NOL4L: variants seen among roughly 807,000 people sequenced by gnomAD.
The protein encoded by NOL4L is nucleolar protein 4 like, also known as nucleolar protein 4-like.
NOL4L carries 7 observed loss-of-function variants against 64.5 expected under a neutral mutation model. The observed-to-expected ratio is 0.11, with a 90% confidence interval of 0.06 to 0.20. The LOEUF (loss-of-function observed/expected upper bound fraction) is 0.20. Among genes scored for constraint, NOL4L ranks in the 10% least tolerant of loss-of-function variants. NOL4L has a pLI of 1.00. For synonymous variants in NOL4L, 413 were observed against 401.0 expected (o/e 1.03, Z -0.36); for missense variants, 680 against 967.1 (o/e 0.70, Z 3.94).
At chr20:32,477,637 G>C (rs2145488290) in intron 4 of NOL4L, among the ~76,000 whole-genome samples, 1 of 152,360 alleles carries the variant, frequency 6.6e-6, no homozygotes, top group Admixed American at 6.5e-5. Flanking sequence ...GACAATTAAG[G>C]ACTCTGGTCC....
At position 32,446,145 on chromosome 20, in the gene NOL4L, AG is replaced by A. The variant is rs1047598611; in HGVS notation, c.*1450del. ...CATGGCTACGGAGTGTTGCACGGAGAGGCCCTGGGGGCCTGCTGAGGTCTGG... is the reference window on the plus strand; with the variant it reads ...CATGGCTACGGAGTGTTGCACGGAGAGCCCTGGGGGCCTGCTGAGGTCTGG... On this transcript the variant is annotated 3_prime_UTR_variant, in exon 11 of 11. Transcript: ENST00000621426. The A allele has an allele frequency of 6.6e-6, 1 of 152,390 alleles. No homozygotes were observed. The highest frequency in any genetic ancestry group is 2.4e-5 in the African/African-American group (1 of 41,438). 9.4% of individuals were successfully genotyped at this position (152,390 alleles called of 1,614,324 possible).
intron 3 of NOL4L, among the ~76,000 whole-genome samples, chr20:32,518,420 C>A (rs549912618): frequency 2.6e-5 from 4 of 152,362 alleles, no homozygotes; most frequent in South Asian, 4.1e-4. Context: ...CTGTGCTCCG[C>A]GTTGCCCTCC....
Position 32,480,666 on chromosome 20 carries a change from C to G in NOL4L, c.700-5924G>C, listed in dbSNP as rs183170545. ...GCCTTCTGAGCATGCCAAGAAGGTA[C>G]TGAACCGCATGTGACCCCAACTTAA... On this transcript the variant is annotated intron_variant, in intron 4 of 10. Coordinates refer to ENST00000621426, the MANE Select transcript of NOL4L (RefSeq NM_001256798.2). 3.3e-5 allele frequency among the ~76,000 whole-genome samples: 5 copies of G among 152,308 alleles called. 1 individual carries two copies. The highest frequency in any genetic ancestry group is 3.3e-4 in the Admixed American group (5 of 15,300).
In NOL4L at chr20:32,578,870, T is replaced by G. The variant is rs1980295213; in HGVS notation, c.321+5700A>C. 5.9e-5 allele frequency among the ~76,000 whole-genome samples: 9 copies of G among 152,332 alleles called. No homozygotes were observed. In the South Asian group the frequency reaches 1.9e-3, roughly 32 times the overall value. Reference sequence around the variant, plus strand: ...CTCCCAGGACCTTCCCGCCCCATGCTTGGCTTTGGGCTTTGTTATAGGACC... The same window carrying G: ...CTCCCAGGACCTTCCCGCCCCATGCGTGGCTTTGGGCTTTGTTATAGGACC... On this transcript the variant is annotated intron_variant, in intron 1 of 10. Coordinates refer to ENST00000621426, the MANE Select transcript of NOL4L (RefSeq NM_001256798.2).
rs558500655 is a variant in NOL4L at position 32,514,070 on chromosome 20, G to T, written c.590-2614C>A. On this transcript the variant is annotated intron_variant, in intron 3 of 10. Coordinates refer to ENST00000621426, the MANE Select transcript of NOL4L (RefSeq NM_001256798.2). ...GGATGGGGGTCCTCTTTGACGCTGT[G>T]TACTTCTGGTGACTTTATAGATCAA... 2.6e-5 allele frequency among the ~76,000 whole-genome samples: 4 copies of T among 152,322 alleles called. No homozygotes were observed. In the South Asian group the frequency reaches 8.3e-4, roughly 32 times the overall value.
intron 2 of NOL4L, among the ~76,000 whole-genome samples, chr20:32,524,408 T>C (rs1195492719): frequency 1.3e-5 from 2 of 152,214 alleles, no homozygotes; most frequent in Non-Finnish European, 2.9e-5. Flanking sequence ...GCCTGCCCTA[T>C]CTGATCCACG....
chr20:32,465,548 G>T lies in NOL4L; in HGVS notation c.841+9053C>A, dbSNP rs537374350. On this transcript the variant is annotated intron_variant, in intron 5 of 10. Transcript: ENST00000621426. The stretch of plus-strand genomic sequence containing the variant: ...TCCCTGGCCCCGTCCTCCAGGCCAA[G>T]CACAGGCGGTGAGAAATAAACACTA... Among the ~76,000 whole-genome samples, 25 of 152,348 alleles carry T rather than the reference G, an allele frequency of 1.6e-4. No homozygotes were observed. In the South Asian group the frequency reaches 5.0e-3, roughly 30 times the overall value.
chr20:32,541,185 T>C (rs2018649555), intron 1 of NOL4L, among the ~76,000 whole-genome samples: 2 of 152,096 alleles, frequency 1.3e-5, no homozygotes, highest in African/African-American at 4.8e-5. Flanking sequence ...GCACTGGACT[T>C]TAAGGGCCAA....
chr20:32,478,586 T>C (rs1184885955), intron 4 of NOL4L, among the ~76,000 whole-genome samples: 2 of 152,214 alleles, frequency 1.3e-5, no homozygotes, highest in Non-Finnish European at 2.9e-5. Context: ...AAAGTGGTTC[T>C]AAGATTCTGA....
chr20:32,451,953 G>A (rs1222282711), intron 10 of NOL4L, among the ~76,000 whole-genome samples: 1 of 152,238 alleles, frequency 6.6e-6, no homozygotes, highest in Non-Finnish European at 1.5e-5. Context: ...GGCGCCGGTA[G>A]TGAAGGTGGG....
chr20:32,571,525 G>A (rs916404523), intron 1 of NOL4L, among the ~76,000 whole-genome samples: 4 of 152,160 alleles, frequency 2.6e-5, no homozygotes, highest in Non-Finnish European at 5.9e-5. Flanking sequence ...GTTTTGGTTT[G>A]GGTTTTAAAT....
chr20:32,488,784 TTCCTTCC>T lies in NOL4L; in HGVS notation c.700-14049_700-14043del, dbSNP rs2016239536. ...CTTCCTTCCTTCCTTCCTTCCTTCC[TTCCTTCC>T]TTTCTTTCTTTCTTTTTCTTTCTTT... On this transcript the variant is annotated intron_variant, in intron 4 of 10. Transcript: ENST00000621426. Among the ~76,000 whole-genome samples the T allele has an allele frequency of 1.7e-4, 8 of 45,862 alleles. No homozygotes were observed. In the South Asian group the frequency reaches 5.3e-3, roughly 30 times the overall value. The allele number at this position is 45,862 out of a possible 152,430, so 30.1% of individuals were successfully genotyped here.
At chr20:32,466,407 T>C (rs2014554101) in intron 5 of NOL4L, among the ~76,000 whole-genome samples, 1 of 152,080 alleles carries the variant, frequency 6.6e-6, no homozygotes, top group Non-Finnish European at 1.5e-5. Flanking sequence ...TCTCCCAGCG[T>C]CTCTCACCCC....
chr20:32,537,189 A>G, intron 1 of NOL4L: 4 of 866,438 alleles, frequency 4.6e-6, no homozygotes, highest in Non-Finnish European at 5.5e-6. Context: ...TAGTCCTCAC[A>G]GACCCTCCGC....
intron 1 of NOL4L, among the ~76,000 whole-genome samples, chr20:32,578,298 C>A (rs975611392): frequency 6.6e-6 from 1 of 152,166 alleles, no homozygotes; most frequent in African/African-American, 2.4e-5. Flanking sequence ...CTCAAGAGTT[C>A]TTGTTCTAAT....
intron 5 of NOL4L, among the ~76,000 whole-genome samples, chr20:32,459,249 T>A (rs2013828314): frequency 7.9e-6 from 1 of 126,788 alleles, no homozygotes; most frequent in African/African-American, 3.7e-5. Context: ...TGGTTTACTT[T>A]TTTTTTTTTT....
At chr20:32,577,344 T>C (rs1216132923) in intron 1 of NOL4L, among the ~76,000 whole-genome samples, 2 of 152,200 alleles carry the variant, frequency 1.3e-5, no homozygotes, top group Non-Finnish European at 2.9e-5. Context: ...CTGCCAGGCC[T>C]TGGGAAAGCC....
In NOL4L at chr20:32,460,390, C is replaced by T. The variant is rs778127371; in HGVS notation, c.842-3995G>A. On this transcript the variant is annotated intron_variant, in intron 5 of 10. Coordinates refer to ENST00000621426, the MANE Select transcript of NOL4L (RefSeq NM_001256798.2). The surrounding 1 kb of genome is among the most constrained non-coding windows in gnomAD (Gnocchi z 5.7). ...ACCCCCAGCTCCGCTCAGGCAGCCC[C>T]GGCATGCCAGCCCCCACCCCACACA... 6.6e-6 allele frequency among the ~76,000 whole-genome samples: 1 copy of T among 152,216 alleles called. No homozygotes were observed. Among genetic ancestry groups the T allele is most frequent in the Admixed American group, 6.5e-5 (1 of 15,282 alleles).
chr20:32,584,513 C>G, intron 1 of NOL4L, 57 bp downstream of exon 1: 1 of 1,116,934 alleles, frequency 9.0e-7, no homozygotes, highest in Non-Finnish European at 1.2e-6. Flanking sequence ...CCGCCCCCGC[C>G]CGCCTGCCCC....
Sources: allele counts gnomAD v4.1 joint callset (sites outside exome capture counted in the v4.1 genomes callset), GRCh38; gene constraint gnomAD v4.1.1; non-coding constraint Gnocchi (gnomAD v3.1); transcripts MANE v1.5; gene names NCBI Gene and HGNC (gene_info 2026-07-23, HGNC 2026-07-21).